The following DMBX1 variants were observed in gnomAD, a reference collection of about 807,000 sequenced individuals.
DMBX1 encodes the protein diencephalon/mesencephalon homeobox protein 1.
DMBX1 carries 7 observed loss-of-function variants against 30.4 expected under a neutral mutation model. The observed-to-expected ratio is 0.23, with a 90% CI of 0.13 to 0.43. The LOEUF is 0.43. DMBX1 is among the 20% of genes least tolerant of loss of function. DMBX1 has a pLI of 1.00. For missense variants in DMBX1, 460 were observed against 508.5 expected, an observed-to-expected ratio of 0.90 and a Z score of 0.92; for synonymous variants, 222 against 214.2, an observed-to-expected ratio of 1.04 and a Z score of -0.32.
intron 2 of DMBX1, among the ~76,000 whole-genome samples, chr1:46,503,029 G>A (rs1666167055): frequency 6.6e-6 from 1 of 152,256 alleles, no homozygotes; most frequent in Non-Finnish European, 1.5e-5. Context: ...ACAATGGGCC[G>A]TGGAGCCCTC....
intron 2 of DMBX1, among the ~76,000 whole-genome samples, chr1:46,503,918 G>A (rs1322372837): frequency 2.0e-5 from 3 of 152,214 alleles, no homozygotes; most frequent in East Asian, 1.9e-4. Flanking sequence ...GTGAGGGTCC[G>A]GATGGGACCT....
intron 2 of DMBX1, among the ~76,000 whole-genome samples, chr1:46,506,300 C>T (rs527259707): frequency 5.9e-5 from 9 of 152,308 alleles, no homozygotes; most frequent in Admixed American, 2.0e-4. Context: ...TCAGGTGATC[C>T]GCCTGCCTTG....
Position 46,512,525 on chromosome 1 carries a change from T to C in DMBX1, c.*31T>C, listed in dbSNP as rs1441081116. On this transcript the variant is annotated 3_prime_UTR_variant, in exon 6 of 6. Coordinates refer to ENST00000360032, the MANE Select transcript of DMBX1 (RefSeq NM_172225.2). The surrounding 1 kb of genome is among the most constrained non-coding windows in gnomAD (Gnocchi z 4.8). ...TGGCTTCCAACCCAGCCAGGGGTCT[T>C]AGGTGTCCCCTCCTAGCCCTGTGGT... is the stretch of plus-strand genomic sequence containing the variant. The C allele has an allele frequency of 6.3e-7, 1 of 1,585,238 alleles. No homozygotes were observed. Among genetic ancestry groups the C allele is most frequent in the Non-Finnish European group, 8.6e-7 (1 of 1,163,988 alleles).
chr1:46,490,859 A>G (rs1237347168), intron 2 of DMBX1, among the ~76,000 whole-genome samples, 76 bp downstream of exon 2: 1 of 152,152 alleles, frequency 6.6e-6, no homozygotes, highest in African/African-American at 2.4e-5. Context: ...GGCGTGGGTC[A>G]GGCGAGCTCC....
At chr1:46,495,967 A>C (rs1393800515) in intron 2 of DMBX1, among the ~76,000 whole-genome samples, 1 of 151,648 alleles carries the variant, frequency 6.6e-6, no homozygotes, top group Non-Finnish European at 1.5e-5. Context: ...CTTTGAAGGT[A>C]TCAGAGAGAA....
chr1:46,501,213 C>CCTTCCTTCCTTCCTTCCTTCCTTTCTTT (rs1179560561), intron 2 of DMBX1, among the ~76,000 whole-genome samples: 38 of 74,512 alleles, frequency 5.1e-4, no homozygotes, highest in East Asian at 1.4e-3. Flanking sequence ...TTCCTTCCTT[C>CCTTCCTTCCTTCCTTCCTTCCTTTCTTT]CTTTCTTTCT....
Position 46,510,830 on chromosome 1 carries a change from G to A in DMBX1, c.334-105G>A, listed in dbSNP as rs577382544. 1.2e-4 allele frequency: 166 copies of A among 1,357,878 alleles called. No individual in the cohort carries two copies. Among genetic ancestry groups the A allele is most frequent in the South Asian group, 2.1e-4 (14 of 68,152 alleles). 84.1% of individuals were successfully genotyped at this position (1,357,878 alleles called of 1,614,324 possible). A position where few individuals can be genotyped will look rare whatever the true frequency, so the allele number is the denominator to read the frequency against. ...GGACAGAGGGTGTGCATTCCCTAGAGGGGTGGGGGGATGTTATCACGTACA... is the reference window on the plus strand; with the variant it reads ...GGACAGAGGGTGTGCATTCCCTAGAAGGGTGGGGGGATGTTATCACGTACA... On this transcript the variant is annotated intron_variant, in intron 4 of 5. Coordinates refer to ENST00000360032, the MANE Select transcript of DMBX1 (RefSeq NM_172225.2). This position sits in a 1 kb window ranked among gnomAD's most constrained non-coding sequence, Gnocchi z 4.1.
Position 46,513,228 on chromosome 1 carries a change from C to CTCCT in DMBX1, c.*737_*740dup, listed in dbSNP as rs1488941905. 6.6e-6 allele frequency: 1 copy of CTCCT among 152,634 alleles called. No individual in the cohort carries two copies. The highest frequency in any genetic ancestry group is 2.4e-5 in the African/African-American group (1 of 41,394). The allele number at this position is 152,634 out of a possible 1,614,324, so 9.5% of individuals were successfully genotyped here. ...AGTAATTTTGCGACTTCCCGTTGCT[C>CTCCT]TCCTTCTATTCCCTTCCTTCTGCCC... On this transcript the variant is annotated 3_prime_UTR_variant, in exon 6 of 6. Coordinates refer to ENST00000360032, the MANE Select transcript of DMBX1 (RefSeq NM_172225.2).
At position 46,511,025 on chromosome 1, in the gene DMBX1, TC is replaced by T; in HGVS notation, c.427del (p.His143MetfsTer34). The part of the protein sequence containing the change: ...QLQKQKEAEG[S>X]HGEGKAEAPT... ...CCAGAAGCAGAAGGAGGCTGAGGGC[TC>T]CCATGGGGAAGGCAAGGCCGAGGCC... On this transcript the variant is annotated frameshift_variant, in exon 5 of 6. Transcript: ENST00000360032. LOFTEE classifies it high-confidence loss of function. The T allele has an allele frequency of 6.2e-7, 1 of 1,613,988 alleles. No homozygotes were observed.
At chr1:46,502,527 C>T (rs149959644) in intron 2 of DMBX1, among the ~76,000 whole-genome samples, 2 of 152,288 alleles carry the variant, frequency 1.3e-5, no homozygotes, top group Non-Finnish European at 1.5e-5. Flanking sequence ...GTGGCCTGGT[C>T]TCTCCACTTT....
At chr1:46,492,190 C>G (rs935233726) in intron 2 of DMBX1, among the ~76,000 whole-genome samples, 3 of 152,348 alleles carry the variant, frequency 2.0e-5, no homozygotes, top group Non-Finnish European at 4.4e-5. Flanking sequence ...ACTCGGGCCT[C>G]GGGATGGGCT....
rs1180070661 is a variant in DMBX1, at chr1:46,512,443, C to T, written c.1083C>T (p.Leu361=). 1 of 1,613,748 alleles carries T rather than the reference C, an allele frequency of 6.2e-7. No individual in the cohort carries two copies. Among genetic ancestry groups the T allele is most frequent in the Non-Finnish European group, 8.5e-7 (1 of 1,179,888 alleles). The change falls in exon 6 of 6, where the codon CTC becomes CTT. Residue 361 remains leucine (L), a synonymous_variant. Transcript: ENST00000360032. This position sits in a 1 kb window ranked among gnomAD's most constrained non-coding sequence, Gnocchi z 4.8. The part of the protein sequence containing the change: ...SKTTSIENLR[L]RAKQHAASLG... ...CCACAAGCATCGAGAACCTGCGGCT[C>T]CGGGCCAAGCAGCACGCGGCCTCCC...
rs1666483539 is a variant in DMBX1 at position 46,515,953 on chromosome 1, G to A, written c.*3459G>A. Among the ~76,000 whole-genome samples the A allele has an allele frequency of 6.6e-6, 1 of 152,206 alleles. No individual in the cohort carries two copies. Among genetic ancestry groups the A allele is most frequent in the African/African-American group, 2.4e-5 (1 of 41,460 alleles). On this transcript the variant is annotated 3_prime_UTR_variant, in exon 6 of 6. Coordinates refer to ENST00000360032, the MANE Select transcript of DMBX1 (RefSeq NM_172225.2). ...AACTCCAAGGCTGGTGGGCTCTACA[G>A]ACTGCTTTCCAAACCAGCTGTTTTG... is the stretch of plus-strand genomic sequence containing the variant.
In DMBX1 at chr1:46,490,759, G is replaced by A. The variant is rs904347163; in HGVS notation, c.-37G>A. On this transcript the variant is annotated 5_prime_UTR_variant, in exon 2 of 6. Transcript: ENST00000360032. The stretch of plus-strand genomic sequence containing the variant: ...TCAGCCAGCCTCTGCCCTCGAAGAC[G>A]CGGCCTTGGTCTAGGAACCTTCAGG... Among the ~76,000 whole-genome samples, 3 of 152,248 alleles carry A rather than the reference G, an allele frequency of 2.0e-5. No homozygotes were observed. The highest frequency in any genetic ancestry group is 4.4e-5 in the Non-Finnish European group (3 of 68,044).
chr1:46,493,103 C>A lies in DMBX1; in HGVS notation c.-13+2320C>A, dbSNP rs1357504835. 2.0e-5 allele frequency among the ~76,000 whole-genome samples: 3 copies of A among 152,164 alleles called. No individual in the cohort carries two copies. Among genetic ancestry groups the A allele is most frequent in the African/African-American group, 7.2e-5 (3 of 41,434 alleles). ...CCCTGCCTTCCCATTTCGCCCCCCA[C>A]CCCACCCCTTTCTCACAGTCCCGCT... On this transcript the variant is annotated intron_variant, in intron 2 of 5. Transcript: ENST00000360032. The surrounding 1 kb of genome is among the most constrained non-coding windows in gnomAD (Gnocchi z 4.1).
rs573118975 is a variant in DMBX1 at position 46,490,990 on chromosome 1, G to A, written c.-13+207G>A. ...CCTCCCTAGGCTTCCCACACTGGAT[G>A]GCCGTAACTCAGTCGTTGACGGCGA... On this transcript the variant is annotated intron_variant, in intron 2 of 5. Coordinates refer to ENST00000360032, the MANE Select transcript of DMBX1 (RefSeq NM_172225.2). 9.6e-4 allele frequency among the ~76,000 whole-genome samples: 147 copies of A among 152,348 alleles called. 1 individual carries two copies. Among genetic ancestry groups the A allele is most frequent in the Admixed American group, 8.0e-3 (122 of 15,304 alleles).
chr1:46,492,088 A>G (rs1403743399), intron 2 of DMBX1, among the ~76,000 whole-genome samples: 1 of 152,226 alleles, frequency 6.6e-6, no homozygotes, highest in Non-Finnish European at 1.5e-5. Flanking sequence ...GGAATCTGTC[A>G]GCCCAGACCC....
In DMBX1 at chr1:46,512,547, T is replaced by C; in HGVS notation, c.*53T>C. 6.5e-7 allele frequency: 1 copy of C among 1,549,952 alleles called. No homozygotes were observed. The highest frequency in any genetic ancestry group is 8.7e-7 in the Non-Finnish European group (1 of 1,145,522). On this transcript the variant is annotated 3_prime_UTR_variant, in exon 6 of 6. Coordinates refer to ENST00000360032, the MANE Select transcript of DMBX1 (RefSeq NM_172225.2). This position sits in a 1 kb window ranked among gnomAD's most constrained non-coding sequence, Gnocchi z 4.8. ...TCTTAGGTGTCCCCTCCTAGCCCTGTGGTTATCCCTAGGTGGCTCTCGAGG... is the reference window on the plus strand; with the variant it reads ...TCTTAGGTGTCCCCTCCTAGCCCTGCGGTTATCCCTAGGTGGCTCTCGAGG...
chr1:46,500,160 G>A (rs1270812902), intron 2 of DMBX1, among the ~76,000 whole-genome samples: 1 of 152,078 alleles, frequency 6.6e-6, no homozygotes, highest in Non-Finnish European at 1.5e-5. Context: ...TAGTCTGGTA[G>A]TGCTTGGTGC....
Sources: allele counts gnomAD v4.1 joint callset (sites outside exome capture counted in the v4.1 genomes callset), GRCh38; gene constraint gnomAD v4.1.1; non-coding constraint Gnocchi (gnomAD v3.1); transcripts MANE v1.5; gene names NCBI Gene and HGNC (gene_info 2026-07-23, HGNC 2026-07-21).